The following RPRD2 variants were observed in gnomAD, a reference collection of about 807,000 sequenced individuals.
RPRD2 encodes the protein regulation of nuclear pre-mRNA domain containing 2.
Under a neutral mutation model 104.4 loss-of-function variants are expected in RPRD2, and 12 were observed. The observed-to-expected ratio is 0.11, with a 90% CI of 0.07 to 0.19. The LOEUF is 0.19. Ranked by LOEUF, RPRD2 falls within the 10% of genes least tolerant of loss-of-function variation. The probability of loss-of-function intolerance (pLI) is 1.00; values close to 1 mark genes in which losing one functional copy is unlikely to be tolerated. For synonymous variants in RPRD2, 714 were observed against 684.9 expected (o/e 1.04, Z -0.66); for missense variants, 1,543 against 1,790.1 (o/e 0.86, Z 2.49).
At chr1:150,445,503 G>T (rs781898047) in intron 6 of RPRD2, among the ~76,000 whole-genome samples, 1 of 152,132 alleles carries the variant, frequency 6.6e-6, no homozygotes, top group African/African-American at 2.4e-5. Flanking sequence ...TACTTTTCTC[G>T]TTTAAGAGAT....
At chr1:150,462,835 G>A (rs1237693483) in intron 9 of RPRD2, among the ~76,000 whole-genome samples, 3 of 152,124 alleles carry the variant, frequency 2.0e-5, no homozygotes, top group Non-Finnish European at 2.9e-5. Context: ...GATTACAGGC[G>A]TGAGCCACCG....
chr1:150,427,555 T>C (rs1044802281), intron 2 of RPRD2, among the ~76,000 whole-genome samples: 1 of 151,984 alleles, frequency 6.6e-6, no homozygotes, highest in Non-Finnish European at 1.5e-5. Context: ...TCCCAATACA[T>C]TGGGAGGCCA....
At chr1:150,439,346 TA>T (rs1488261290) in intron 2 of RPRD2, among the ~76,000 whole-genome samples, 3 of 152,066 alleles carry the variant, frequency 2.0e-5, no homozygotes, top group Admixed American at 2.0e-4. Context: ...ACCACCACAA[TA>T]AAGCAAATAT....
chr1:150,422,305 C>T (rs797037318), intron 2 of RPRD2, among the ~76,000 whole-genome samples: 1 of 145,528 alleles, frequency 6.9e-6, no homozygotes, highest in African/African-American at 2.5e-5. Flanking sequence ...GATCATGCCA[C>T]TACAGCCTGG....
chr1:150,476,318 G>A lies in RPRD2; in HGVS notation c.*2984G>A, dbSNP rs944963765. 2.0e-5 allele frequency: 3 copies of A among 152,152 alleles called. No homozygotes were observed. Among genetic ancestry groups the A allele is most frequent in the Non-Finnish European group, 4.4e-5 (3 of 68,026 alleles). The allele number at this position is 152,152 out of a possible 1,614,324, so 9.4% of individuals were successfully genotyped here. On this transcript the variant is annotated 3_prime_UTR_variant, in exon 11 of 11. Coordinates refer to ENST00000369068, the MANE Select transcript of RPRD2 (RefSeq NM_015203.5). ...ATTCACTCTCAATCCTGAAGTTACC[G>A]GTTCCTGCAGAATTGAGCTTCAGCT...
intron 2 of RPRD2, among the ~76,000 whole-genome samples, chr1:150,433,377 G>T: frequency 6.9e-6 from 1 of 145,350 alleles, no homozygotes. Context: ...CTCTCTCTCT[G>T]TCTGTATATA....
chr1:150,451,626 G>A (rs1330672977), intron 7 of RPRD2, among the ~76,000 whole-genome samples: 1 of 144,208 alleles, frequency 6.9e-6, no homozygotes, highest in Non-Finnish European at 1.5e-5. Context: ...AGGGAGCCGA[G>A]ATCGCGCCAC....
intron 7 of RPRD2, among the ~76,000 whole-genome samples, chr1:150,456,642 C>T (rs1454648160): frequency 6.7e-6 from 1 of 149,668 alleles, no homozygotes; most frequent in East Asian, 2.0e-4. Context: ...AAAAAAAAAG[C>T]AGCCGAGCAC....
At chr1:150,396,968 TTTTC>T (rs781915320) in intron 1 of RPRD2, among the ~76,000 whole-genome samples, 2 of 152,010 alleles carry the variant, frequency 1.3e-5, no homozygotes, top group Admixed American at 6.6e-5. Context: ...AAAATTAAAA[TTTTC>T]TTTCTTTATT....
At chr1:150,422,174 TAC>T (rs35584289) in intron 2 of RPRD2, among the ~76,000 whole-genome samples, 85,669 of 146,896 alleles carry the variant, frequency 0.58, 25,189 homozygotes, top group Non-Finnish European at 0.62. Flanking sequence ...AAAACACACA[TAC>T]ACACACACAC....
intron 1 of RPRD2, among the ~76,000 whole-genome samples, chr1:150,373,533 CT>C (rs56743462): frequency 0.018 from 1,733 of 97,368 alleles, 51 homozygotes; most frequent in African/African-American, 0.06. Context: ...TCAAGAATGA[CT>C]TTTTTTTTTT....
chr1:150,387,779 A>G (rs1446086834), intron 1 of RPRD2, among the ~76,000 whole-genome samples: 1 of 150,558 alleles, frequency 6.6e-6, no homozygotes, highest in African/African-American at 2.4e-5. Flanking sequence ...TTTAGTAGAC[A>G]GAGATTCACC....
chr1:150,463,724 T>C (rs1553899318), intron 9 of RPRD2, among the ~76,000 whole-genome samples: 1 of 152,358 alleles, frequency 6.6e-6, no homozygotes, highest in East Asian at 1.9e-4. Flanking sequence ...AGCATATAAC[T>C]TACCAGTCAC....
intron 2 of RPRD2, among the ~76,000 whole-genome samples, chr1:150,433,669 C>T (rs1161413583): frequency 6.1e-5 from 9 of 148,606 alleles, no homozygotes; most frequent in Non-Finnish European, 1.0e-4. Flanking sequence ...TGGTCTCAAT[C>T]TGCAGACCTC....
chr1:150,455,006 A>G (rs1667430010), intron 7 of RPRD2, among the ~76,000 whole-genome samples: 1 of 152,232 alleles, frequency 6.6e-6, no homozygotes, highest in East Asian at 1.9e-4. Context: ...CAAGTGGTCA[A>G]TATTAACATC....
At chr1:150,367,993 A>G (rs1553877473) in intron 1 of RPRD2, among the ~76,000 whole-genome samples, 5 of 152,080 alleles carry the variant, frequency 3.3e-5, no homozygotes, top group Non-Finnish European at 7.4e-5. Flanking sequence ...TCTGTAGCAT[A>G]AACAAATGTC....
At chr1:150,380,507 C>T (rs989119597) in intron 1 of RPRD2, among the ~76,000 whole-genome samples, 3 of 151,740 alleles carry the variant, frequency 2.0e-5, no homozygotes, top group African/African-American at 7.3e-5. Flanking sequence ...ACCACCATGC[C>T]CAGCTAATTT....
chr1:150,424,770 A>AT (rs1428008809), intron 2 of RPRD2, among the ~76,000 whole-genome samples: 1 of 152,018 alleles, frequency 6.6e-6, no homozygotes, highest in Non-Finnish European at 1.5e-5. Context: ...ACAATTTTTT[A>AT]TTTTATAACA....
chr1:150,464,388 C>G, intron 9 of RPRD2, 139 bp from the exon 10 acceptor site: 1 of 413,520 alleles, frequency 2.4e-6, no homozygotes, highest in Non-Finnish European at 4.1e-6. Context: ...TTGTACATGT[C>G]ATGTTATGAT....
Sources: allele counts gnomAD v4.1 joint callset (sites outside exome capture counted in the v4.1 genomes callset), GRCh38; gene constraint gnomAD v4.1.1; transcripts MANE v1.5; gene names NCBI Gene and HGNC (gene_info 2026-07-23, HGNC 2026-07-21).